UBAC1: variants seen among roughly 807,000 people sequenced by gnomAD.
UBAC1 encodes ubiquitin-associated domain-containing protein 1.
A neutral mutation model predicts 45.9 loss-of-function variants in UBAC1; 27 were observed. That is an observed-to-expected ratio of 0.59 (90% confidence interval 0.43 to 0.81). The LOEUF (loss-of-function observed/expected upper bound fraction) is 0.81. Among genes scored for constraint, UBAC1 ranks in the 30% least tolerant of loss-of-function variants. UBAC1 has a pLI of 0.00. For missense variants in UBAC1, 529 were observed against 539.2 expected (o/e 0.98, Z 0.19); for synonymous variants, 227 against 215.5 (o/e 1.05, Z -0.47).
At chr9:135,950,813 G>A (rs921353610) in intron 3 of UBAC1, among the ~76,000 whole-genome samples, 3 of 152,212 alleles carry the variant, frequency 2.0e-5, no homozygotes, top group African/African-American at 7.2e-5. Flanking sequence ...GAGTGGTTGG[G>A]CCGGGCATGG....
At chr9:135,936,554 G>T in intron 9 of UBAC1, among the ~76,000 whole-genome samples, 1 of 150,108 alleles carries the variant, frequency 6.7e-6, no homozygotes. Context: ...AGAGTGCAGT[G>T]GCACGATCTC....
intron 9 of UBAC1, among the ~76,000 whole-genome samples, chr9:135,935,903 G>A (rs1047912398): frequency 1.6e-4 from 24 of 152,006 alleles, no homozygotes; most frequent in African/African-American, 5.8e-4. Context: ...GCGGGCACCT[G>A]TAGTCCCAGC....
chr9:135,948,964 G>A (rs2131089751), intron 3 of UBAC1, among the ~76,000 whole-genome samples: 1 of 152,114 alleles, frequency 6.6e-6, no homozygotes, highest in South Asian at 2.1e-4. Context: ...CAGCTACCCG[G>A]GAGGCTGAGG....
At chr9:135,956,005 A>G (rs1376665618) in intron 1 of UBAC1, among the ~76,000 whole-genome samples, 1 of 152,182 alleles carries the variant, frequency 6.6e-6, no homozygotes, top group East Asian at 1.9e-4. Context: ...CCAGCTCACG[A>G]AGCAACAGCC....
At position 135,958,086 on chromosome 9, in the gene UBAC1, G is replaced by A. The variant is rs574431151; in HGVS notation, c.139-2671C>T. Among the ~76,000 whole-genome samples the A allele has an allele frequency of 1.1e-4, 14 of 122,142 alleles. No homozygotes were observed. The South Asian group carries it at 2.6e-3, about 23-fold the overall frequency. 80.1% of individuals were successfully genotyped at this position (122,142 alleles called of 152,430 possible). On this transcript the variant is annotated intron_variant, in intron 1 of 9. Transcript: ENST00000371756. ...TTTTGAGACGGAGTCTCTCTCCGTC[G>A]CCCAGGCTGGAGTGCAGTGGCTTGA...
intron 9 of UBAC1, among the ~76,000 whole-genome samples, chr9:135,935,792 C>T (rs1263070761): frequency 5.3e-5 from 8 of 152,070 alleles, no homozygotes; most frequent in African/African-American, 1.2e-4. Flanking sequence ...TTTGGGAGGC[C>T]GAGACGGGCG....
intron 7 of UBAC1, among the ~76,000 whole-genome samples, chr9:135,944,326 C>T (rs150197332): frequency 3.3e-5 from 5 of 152,248 alleles, no homozygotes; most frequent in Non-Finnish European, 5.9e-5. Context: ...ATGGAAAACA[C>T]GAGCTCCGCA....
intron 1 of UBAC1, among the ~76,000 whole-genome samples, chr9:135,960,751 G>T (rs946771360): frequency 6.6e-6 from 1 of 152,202 alleles, no homozygotes; most frequent in African/African-American, 2.4e-5. Flanking sequence ...TACAGGGCTC[G>T]GCCGGGCGGC....
intron 7 of UBAC1, among the ~76,000 whole-genome samples, chr9:135,940,186 A>G (rs1839252015): frequency 6.6e-6 from 1 of 152,154 alleles, no homozygotes; most frequent in African/African-American, 2.4e-5. Context: ...GAGAAGTGGC[A>G]TTAGGGAAAG....
chr9:135,946,122 A>T lies in UBAC1; in HGVS notation c.545-125T>A. ...GCCCGCCCTCAGGCACATCAACAGG[A>T]GTTGCCGGTGAGGCAGGCCCCAGGC... On this transcript the variant is annotated intron_variant, in intron 5 of 9. Transcript: ENST00000371756. 4 of 1,058,586 alleles carry T rather than the reference A, an allele frequency of 3.8e-6. No individual in the cohort carries two copies. In the South Asian group the frequency reaches 5.5e-5, roughly 14 times the overall value. The allele number at this position is 1,058,586 out of a possible 1,614,324, so 65.6% of individuals were successfully genotyped here. A position where few individuals can be genotyped will look rare whatever the true frequency, so the allele number is the denominator to read the frequency against.
At chr9:135,935,554 C>T (rs994172293) in intron 9 of UBAC1, among the ~76,000 whole-genome samples, 5 of 152,124 alleles carry the variant, frequency 3.3e-5, no homozygotes. Flanking sequence ...ATGACTTGAG[C>T]CCAGGAGGTC....
rs143940407 is a variant in UBAC1 at position 135,945,871 on chromosome 9, A to C, written c.653+18T>G. On this transcript the variant is annotated intron_variant, in intron 6 of 9. Coordinates refer to ENST00000371756, the MANE Select transcript of UBAC1 (RefSeq NM_016172.3). ...CCCAGGTGTCTCCGGCAAGGGAAGG[A>C]GGTGGCCCCCCACGCACTGGTTCAG... 8.2e-4 allele frequency: 1,324 copies of C among 1,608,948 alleles called. 12 individuals carry two copies. The African/African-American group carries it at 0.016, about 20-fold the overall frequency.
chr9:135,958,191 T>C (rs187057645), intron 1 of UBAC1, among the ~76,000 whole-genome samples: 3,501 of 151,808 alleles, frequency 0.023, 50 homozygotes, highest in Non-Finnish European at 0.023. Flanking sequence ...GGACTACAGG[T>C]GCCCGCCACC....
At chr9:135,941,248 A>C (rs1015959658) in intron 7 of UBAC1, among the ~76,000 whole-genome samples, 13 of 152,128 alleles carry the variant, frequency 8.5e-5, no homozygotes, top group African/African-American at 3.1e-4. Flanking sequence ...TCTACTAAAA[A>C]TACAAAAAGT....
At position 135,938,311 on chromosome 9, in the gene UBAC1, T is replaced by A. The variant is rs200156859; in HGVS notation, c.1013A>T (p.Lys338Met). The A allele has an allele frequency of 8.7e-6, 14 of 1,614,102 alleles. No homozygotes were observed. Among genetic ancestry groups the A allele is most frequent in the Non-Finnish European group, 8.5e-6 (10 of 1,180,024 alleles). Residue 338 changes from lysine (K) to methionine (M), a missense_variant, in exon 9 of 10, where the codon AAG (lysine) becomes ATG (methionine). Transcript: ENST00000371756. The stretch of plus-strand genomic sequence containing the variant: ...GAGAGGACTGTCGGGGTCGATGCCC[T>A]TGTCCAGCTCCTCCGGAGAGGGCTT... ...DRKPSPEELD[K>M]GIDPDSPLFQ...
intron 2 of UBAC1, 49 bp downstream of exon 2, chr9:135,955,246 A>G: frequency 6.7e-7 from 1 of 1,483,150 alleles, no homozygotes. Context: ...CAGCGCCCCC[A>G]GCAGTGCACG....
rs535522892 is a variant in UBAC1, at chr9:135,947,855, G to A, written c.384C>T (p.Thr128=). 1.5e-4 allele frequency: 240 copies of A among 1,614,164 alleles called. No homozygotes were observed. The East Asian group carries it at 1.5e-3, about 10-fold the overall frequency. ...APDKEAILRA[T]ANLPSYNMDR... ...CCATGTTGTAGGAGGGCAGGTTGGC[G>A]GTGGCCCGCAGTATGGCCTCTTTAT... The change falls in exon 4 of 10, where the codon ACC becomes ACT. Residue 128 remains threonine (T), a synonymous_variant. Coordinates refer to ENST00000371756, the MANE Select transcript of UBAC1 (RefSeq NM_016172.3).
At chr9:135,938,388 T>G (rs1294815141) in intron 8 of UBAC1, 28 bp from the exon 9 acceptor site, 1 of 1,606,962 alleles carries the variant, frequency 6.2e-7, no homozygotes, top group East Asian at 2.2e-5. Context: ...CCAATACCAC[T>G]GTTAGCGCCT....
At chr9:135,938,987 C>T (rs900894289) in intron 8 of UBAC1, among the ~76,000 whole-genome samples, 1 of 152,128 alleles carries the variant, frequency 6.6e-6, no homozygotes, top group African/African-American at 2.4e-5. Context: ...GCAGGAGGAT[C>T]GATTGAAGCC....
Sources: allele counts gnomAD v4.1 joint callset (sites outside exome capture counted in the v4.1 genomes callset), GRCh38; gene constraint gnomAD v4.1.1; transcripts MANE v1.5; gene names NCBI Gene and HGNC (gene_info 2026-07-23, HGNC 2026-07-21).